Variants in DAB1 observed in about 807,000 individuals in gnomAD.
DAB1 encodes DAB adaptor protein 1.
A neutral mutation model predicts 64.6 loss-of-function variants in DAB1; 15 were observed. The observed-to-expected ratio is 0.23, with a 90% confidence interval of 0.16 to 0.36. The LOEUF (loss-of-function observed/expected upper bound fraction) is 0.36, where lower values mean the gene tolerates loss of function less well. Among genes scored for constraint, DAB1 ranks in the 10% least tolerant of loss-of-function variants. The probability of loss-of-function intolerance (pLI) is 1.00; values close to 1 mark genes in which losing one functional copy is unlikely to be tolerated. For missense variants in DAB1, 596 were observed against 706.7 expected, an observed-to-expected ratio of 0.84 and a Z score of 1.78; for synonymous variants, 235 against 251.9, an observed-to-expected ratio of 0.93 and a Z score of 0.64.
chr1:57,186,654 C>A (rs979430314), intron 2 of DAB1, among the ~76,000 whole-genome samples: 1 of 152,156 alleles, frequency 6.6e-6, no homozygotes, highest in African/African-American at 2.4e-5. Flanking sequence ...GAAATGCACG[C>A]GTCAGCATTT....
chr1:57,433,510 C>T (rs545320032), intron 7 of DAB1, among the ~76,000 whole-genome samples: 1 of 151,982 alleles, frequency 6.6e-6, no homozygotes, highest in African/African-American at 2.4e-5. Flanking sequence ...AGTTCTTCCT[C>T]ATATGTATAT....
intron 6 of DAB1, among the ~76,000 whole-genome samples, chr1:57,817,904 T>C (rs1651941671): frequency 6.6e-6 from 1 of 152,220 alleles, no homozygotes; most frequent in African/African-American, 2.4e-5. Context: ...GGCAGCAATA[T>C]TTACTCATCA....
chr1:57,448,297 C>T (rs1435983912), intron 7 of DAB1, among the ~76,000 whole-genome samples: 2 of 152,202 alleles, frequency 1.3e-5, no homozygotes, highest in Non-Finnish European at 2.9e-5. Flanking sequence ...TATTTTTCCA[C>T]ACCCATTTAT....
At chr1:58,494,334 A>T (rs926937618) in intron 3 of DAB1, among the ~76,000 whole-genome samples, 5 of 152,068 alleles carry the variant, frequency 3.3e-5, no homozygotes, top group Admixed American at 2.6e-4. Context: ...AACCTAGGCA[A>T]TACCATTCAG....
intron 2 of DAB1, among the ~76,000 whole-genome samples, chr1:57,193,110 C>G (rs1261395960): frequency 6.6e-6 from 1 of 152,118 alleles, no homozygotes; most frequent in African/African-American, 2.4e-5. Context: ...TCCAAGAACA[C>G]AGTGTTATTA....
chr1:57,377,350 T>C (rs916090152), intron 1 of DAB1, among the ~76,000 whole-genome samples: 2 of 151,710 alleles, frequency 1.3e-5, no homozygotes, highest in African/African-American at 4.8e-5. Flanking sequence ...TCAAATGTGG[T>C]CTAGGTATGC....
intron 1 of DAB1, among the ~76,000 whole-genome samples, chr1:57,291,989 CT>C (rs1157331724): frequency 6.6e-6 from 1 of 152,166 alleles, no homozygotes. Context: ...ACAGTATTCT[CT>C]TTGATAATAG....
At chr1:58,541,448 GA>G (rs540863324) in intron 1 of DAB1, 2 of 148,864 alleles carry the variant, frequency 1.3e-5, no homozygotes, top group Admixed American at 6.8e-5. Context: ...GGAGTTGTAG[GA>G]AAAAAGCAGC....
intron 5 of DAB1, among the ~76,000 whole-genome samples, chr1:58,140,099 T>C (rs1446338777): frequency 6.6e-6 from 1 of 152,144 alleles, no homozygotes; most frequent in Admixed American, 6.5e-5. Flanking sequence ...AATCCACAAA[T>C]TGAGTGTCCT....
At chr1:58,256,846 T>G (rs1471810527) in intron 4 of DAB1, among the ~76,000 whole-genome samples, 1 of 152,208 alleles carries the variant, frequency 6.6e-6, no homozygotes, top group Non-Finnish European at 1.5e-5. Context: ...TGATTCCAAG[T>G]CCACAAATTG....
chr1:57,639,024 T>C (rs1483818249), intron 7 of DAB1, among the ~76,000 whole-genome samples: 44 of 46,956 alleles, frequency 9.4e-4, no homozygotes, highest in African/African-American at 3.9e-3. Context: ...TAAAGAACTT[T>C]AGTAAATAAC....
intron 5 of DAB1, among the ~76,000 whole-genome samples, chr1:58,067,793 G>A (rs2100563650): frequency 6.6e-6 from 1 of 152,326 alleles, no homozygotes; most frequent in East Asian, 1.9e-4. Context: ...CAGTTCATCT[G>A]TACAATGAGT....
chr1:57,577,257 C>T (rs1570643174), intron 7 of DAB1, among the ~76,000 whole-genome samples: 1 of 152,128 alleles, frequency 6.6e-6, no homozygotes, highest in Non-Finnish European at 1.5e-5. Flanking sequence ...TTTTCATTTC[C>T]TCCTCGTAAC....
intron 5 of DAB1, among the ~76,000 whole-genome samples, chr1:57,915,808 G>C (rs1240644985): frequency 6.6e-6 from 1 of 152,208 alleles, no homozygotes; most frequent in Non-Finnish European, 1.5e-5. Context: ...CAAATGTCAA[G>C]GGAGAAAGAG....
In DAB1 at chr1:58,506,558, T is replaced by C. The variant is rs190998298; in HGVS notation, n.108-349A>G. Among the ~76,000 whole-genome samples the C allele has an allele frequency of 8.9e-4, 136 of 152,298 alleles. No homozygotes were observed. In the Middle Eastern group the frequency reaches 0.02, roughly 23 times the overall value. ...TACTGAAATAACAGAATGCCTGCCC[T>C]TCCCATATACAACATTCACAATAAC... On this transcript the variant is annotated intron_variant and non_coding_transcript_variant, in intron 2 of 20. Transcript: ENST00000485760.
chr1:57,024,015 T>C (rs1375554407), intron 10 of DAB1, among the ~76,000 whole-genome samples: 1 of 152,124 alleles, frequency 6.6e-6, no homozygotes, highest in African/African-American at 2.4e-5. Context: ...ACTCACCCTT[T>C]AGAGGTGGCC....
chr1:57,154,712 C>T (rs1660044986), intron 2 of DAB1, among the ~76,000 whole-genome samples: 1 of 152,148 alleles, frequency 6.6e-6, no homozygotes. Context: ...TTTGTTATTA[C>T]CTGTCTTTTG....
intron 5 of DAB1, chr1:58,056,027 C>T (rs1482936902): frequency 2.5e-5 from 20 of 794,256 alleles, no homozygotes; most frequent in Middle Eastern, 7.0e-4. Flanking sequence ...TGTGAGCCAC[C>T]GTGCCTGGCC....
At chr1:58,152,881 C>T (rs879324841) in intron 4 of DAB1, among the ~76,000 whole-genome samples, 19 of 152,106 alleles carry the variant, frequency 1.2e-4, no homozygotes, top group African/African-American at 2.2e-4. Context: ...GTACAGGTGA[C>T]GAAACAAGTG....
Sources: gnomAD v4.1 joint callset for allele counts (sites outside exome capture counted in the v4.1 genomes callset) on GRCh38, gnomAD v4.1.1 for gene constraint, MANE v1.5 for transcripts, NCBI Gene and HGNC (gene_info 2026-07-23, HGNC 2026-07-21) for gene names.